BTRC: variants seen among roughly 807,000 people sequenced by gnomAD.
BTRC encodes F-box/WD repeat-containing protein 1A.
BTRC carries 42 observed loss-of-function variants against 85.5 expected under a neutral mutation model. The ratio of observed to expected loss-of-function variants is 0.49; its 90% CI spans 0.38 to 0.64. The LOEUF (loss-of-function observed/expected upper bound fraction) is 0.64, where lower values mean the gene tolerates loss of function less well. BTRC is among the 30% of genes least tolerant of loss of function. The pLI is 0.00. For synonymous variants in BTRC, 255 were observed against 263.3 expected, an observed-to-expected ratio of 0.97 and a Z score of 0.30; for missense variants, 594 against 743.5, an observed-to-expected ratio of 0.80 and a Z score of 2.34.
chr10:101,468,591 A>G lies in BTRC; in HGVS notation c.234+6533A>G, dbSNP rs1403516820. Among the ~76,000 whole-genome samples, 4 of 152,172 alleles carry G rather than the reference A, an allele frequency of 2.6e-5. 1 individual carries two copies. Among genetic ancestry groups the G allele is most frequent in the African/African-American group, 7.2e-5 (3 of 41,432 alleles). On this transcript the variant is annotated intron_variant, in intron 3 of 14. Transcript: ENST00000370187. ...TATTGCTTTTTGGTTTGCTTTTTCTATACCATATTCTTGTGTGGGACATGA... is the reference window on the plus strand; with the variant it reads ...TATTGCTTTTTGGTTTGCTTTTTCTGTACCATATTCTTGTGTGGGACATGA...
At chr10:101,447,270 G>A (rs1453052872) in intron 2 of BTRC, among the ~76,000 whole-genome samples, 2 of 152,098 alleles carry the variant, frequency 1.3e-5, no homozygotes, top group South Asian at 2.1e-4. Context: ...ACAAGTCAGT[G>A]CTCTCAGACT....
At chr10:101,448,312 A>AAAC (rs891261815) in intron 2 of BTRC, among the ~76,000 whole-genome samples, 7 of 152,216 alleles carry the variant, frequency 4.6e-5, no homozygotes, top group Admixed American at 2.6e-4. Flanking sequence ...CATTGCTTTA[A>AAAC]AACAACAACA....
chr10:101,357,460 A>AG (rs1271202133), intron 1 of BTRC, among the ~76,000 whole-genome samples: 2 of 151,362 alleles, frequency 1.3e-5, no homozygotes, highest in Non-Finnish European at 1.5e-5. Context: ...AAAAAAAAAA[A>AG]AGGAAGCTAT....
rs138488639 is a variant in BTRC at position 101,449,368 on chromosome 10, G to A, written c.157-12613G>A. Reference sequence around the variant, plus strand: ...TGTCATACGTCCTAAGGGTTCTATAGTTCTCAGTCCTATTTTGATAAAAAA... The same window carrying A: ...TGTCATACGTCCTAAGGGTTCTATAATTCTCAGTCCTATTTTGATAAAAAA... On this transcript the variant is annotated intron_variant, in intron 2 of 14. Coordinates refer to ENST00000370187, the MANE Select transcript of BTRC (RefSeq NM_033637.4). Among the ~76,000 whole-genome samples the A allele has an allele frequency of 7.8e-4, 119 of 152,108 alleles. No individual in the cohort carries two copies. The Middle Eastern group carries it at 0.01, about 13-fold the overall frequency.
At chr10:101,478,352 C>T (rs1945746293) in intron 3 of BTRC, among the ~76,000 whole-genome samples, 1 of 150,402 alleles carries the variant, frequency 6.6e-6, no homozygotes, top group Non-Finnish European at 1.5e-5. Context: ...AATGTTCTTT[C>T]AATTTTGGTT....
At chr10:101,452,462 A>G (rs1053188086) in intron 2 of BTRC, among the ~76,000 whole-genome samples, 2 of 152,210 alleles carry the variant, frequency 1.3e-5, no homozygotes, top group Non-Finnish European at 2.9e-5. Flanking sequence ...TCCAAACAGG[A>G]TTAAGAATTT....
At chr10:101,434,399 A>G (rs558360871) in intron 2 of BTRC, among the ~76,000 whole-genome samples, 1 of 152,156 alleles carries the variant, frequency 6.6e-6, no homozygotes, top group South Asian at 2.1e-4. Flanking sequence ...AAAACAATGA[A>G]CCTCAACGGT....
intron 5 of BTRC, among the ~76,000 whole-genome samples, chr10:101,524,114 A>G (rs1221067673): frequency 6.6e-6 from 1 of 152,164 alleles, no homozygotes; most frequent in Non-Finnish European, 1.5e-5. Flanking sequence ...GTTTTTCTAA[A>G]CTAGGAATTT....
chr10:101,433,518 G>C (rs1944452844), intron 2 of BTRC, among the ~76,000 whole-genome samples: 1 of 152,180 alleles, frequency 6.6e-6, no homozygotes. Context: ...CTAAGGAAGA[G>C]TCAGTGCAAA....
chr10:101,376,205 A>G (rs1363744468), intron 1 of BTRC, among the ~76,000 whole-genome samples: 1 of 152,212 alleles, frequency 6.6e-6, no homozygotes, highest in African/African-American at 2.4e-5. Context: ...CCAGGCCTGT[A>G]GTCTAGCTAC....
intron 1 of BTRC, among the ~76,000 whole-genome samples, chr10:101,427,479 G>A (rs1255429008): frequency 1.2e-5 from 1 of 86,776 alleles, no homozygotes; most frequent in African/African-American, 4.0e-5. Flanking sequence ...TTTTTTTTTT[G>A]AGACGGGTCC....
chr10:101,379,227 T>A (rs1237475371), intron 1 of BTRC, among the ~76,000 whole-genome samples: 1 of 152,212 alleles, frequency 6.6e-6, no homozygotes, highest in Non-Finnish European at 1.5e-5. Context: ...ATGGGTCACC[T>A]TTGATTATAT....
chr10:101,474,597 C>T (rs1945625976), intron 3 of BTRC, among the ~76,000 whole-genome samples: 2 of 152,220 alleles, frequency 1.3e-5, no homozygotes, highest in Admixed American at 6.5e-5. Context: ...AGTCTTCCTC[C>T]TTCCCCTGTG....
At chr10:101,367,157 G>A (rs1475390733) in intron 1 of BTRC, among the ~76,000 whole-genome samples, 1 of 142,176 alleles carries the variant, frequency 7.0e-6, no homozygotes, top group Non-Finnish European at 1.5e-5. Flanking sequence ...TGCATCGTCT[G>A]CCTCCCAGGT....
chr10:101,434,680 G>C (rs1028183544), intron 2 of BTRC, among the ~76,000 whole-genome samples: 1 of 152,038 alleles, frequency 6.6e-6, no homozygotes, highest in Non-Finnish European at 1.5e-5. Context: ...TGTAGTCCCA[G>C]CTACTCAGGA....
Position 101,463,234 on chromosome 10 carries a change from C to T in BTRC, c.234+1176C>T, listed in dbSNP as rs144583951. Among the ~76,000 whole-genome samples the T allele has an allele frequency of 4.8e-3, 726 of 152,188 alleles. 5 individuals carry two copies. Among genetic ancestry groups the T allele is most frequent in the Middle Eastern group, 0.01 (3 of 292 alleles). On this transcript the variant is annotated intron_variant, in intron 3 of 14. Transcript: ENST00000370187. ...CTAATTTTTGTATTTTTAGTAGAAA[C>T]GGGGTTTCACCATGTTGGCCAGGCT...
At chr10:101,524,403 C>T (rs2062161276) in intron 5 of BTRC, among the ~76,000 whole-genome samples, 1 of 152,138 alleles carries the variant, frequency 6.6e-6, no homozygotes, top group African/African-American at 2.4e-5. Context: ...GTATCCTTTA[C>T]CTAATATTGA....
At chr10:101,387,845 A>G (rs1943125758) in intron 1 of BTRC, among the ~76,000 whole-genome samples, 1 of 151,886 alleles carries the variant, frequency 6.6e-6, no homozygotes, top group Admixed American at 6.5e-5. Flanking sequence ...GTGTGCCACC[A>G]TGCCCAGCTA....
chr10:101,410,488 G>A (rs1166453852), intron 1 of BTRC, among the ~76,000 whole-genome samples: 1 of 152,004 alleles, frequency 6.6e-6, no homozygotes, highest in Non-Finnish European at 1.5e-5. Flanking sequence ...GATGATGCGT[G>A]CCTGTAATCC....
Sources: gnomAD v4.1 joint callset for allele counts (sites outside exome capture counted in the v4.1 genomes callset) on GRCh38, gnomAD v4.1.1 for gene constraint, MANE v1.5 for transcripts, NCBI Gene and HGNC (gene_info 2026-07-23, HGNC 2026-07-21) for gene names.